TRAPPC2L: variants seen among roughly 807,000 people sequenced by gnomAD.
TRAPPC2L encodes trafficking protein particle complex subunit 2-like protein.
TRAPPC2L carries 17 observed loss-of-function variants against 13.2 expected under a neutral mutation model. That is an observed-to-expected ratio of 1.29 (90% CI 0.88 to 1.93). The LOEUF (loss-of-function observed/expected upper bound fraction) is 1.93. TRAPPC2L is among the 30% of genes most tolerant of loss of function. The pLI is 0.00. For synonymous variants in TRAPPC2L, 150 were observed against 98.1 expected, an observed-to-expected ratio of 1.53 and a Z score of -3.12; for missense variants, 359 against 252.1, an observed-to-expected ratio of 1.42 and a Z score of -2.87.
rs939587021 is a variant in TRAPPC2L at position 88,858,868 on chromosome 16, C to T, written c.206+77C>T. On this transcript the variant is annotated intron_variant, in intron 2 of 3. Coordinates refer to ENST00000565504, the Ensembl canonical transcript of TRAPPC2L. ...TACTTTAGGATCAGATAACTTGAAA[C>T]CTTTTAGAAGAAAAAGAGGTGAGAG... 13 of 1,473,112 alleles carry T rather than the reference C, an allele frequency of 8.8e-6. No homozygotes were observed. In the African/African-American group the frequency reaches 1.7e-4, roughly 19 times the overall value. 91.3% of individuals were successfully genotyped at this position (1,473,112 alleles called of 1,614,324 possible).
chr16:88,857,203 G>T lies in TRAPPC2L; in HGVS notation c.33+20G>T, dbSNP rs1222865153. The T allele has an allele frequency of 6.4e-7, 1 of 1,555,594 alleles. No individual in the cohort carries two copies. Among genetic ancestry groups the T allele is most frequent in the Admixed American group, 1.8e-5 (1 of 54,860 alleles). ...AAGGAGGTGCGTACGCGCGGCGTGG[G>T]GCGTCCGGGCTCGCACCATCCTCGG... On this transcript the variant is annotated intron_variant, in intron 1 of 3. Coordinates refer to ENST00000565504, the Ensembl canonical transcript of TRAPPC2L.
upstream of TRAPPC2L, chr16:88,856,871 C>A (rs544467763): frequency 1.3e-6 from 2 of 1,509,316 alleles, no homozygotes; most frequent in African/African-American, 1.5e-5. Flanking sequence ...GCGACAACCG[C>A]CGCCATGGCA....
chr16:88,858,842 G>C (rs759692894), intron 2 of TRAPPC2L, 51 bp downstream of exon 2: 3 of 1,560,718 alleles, frequency 1.9e-6, no homozygotes, highest in Non-Finnish European at 2.6e-6. Flanking sequence ...GTTGCAAGAT[G>C]TACTTTAGGA....
exon 4 of TRAPPC2L, chr16:88,861,134 G>C: frequency 1.6e-6 from 1 of 633,838 alleles, no homozygotes; most frequent in Admixed American, 2.7e-5. Flanking sequence ...TTCCTTCCGT[G>C]TCAGCCAAGG....
At chr16:88,857,247 C>T (rs753074028) in intron 1 of TRAPPC2L, 64 bp downstream of exon 1, 1 of 1,401,278 alleles carries the variant, frequency 7.1e-7, no homozygotes, top group Non-Finnish European at 9.6e-7. Flanking sequence ...TTTCTTTCTA[C>T]TTCTTCCCTG....
intron 1 of TRAPPC2L, chr16:88,857,556 C>T (rs1022904722): frequency 1.4e-5 from 4 of 281,822 alleles, no homozygotes; most frequent in Non-Finnish European, 2.0e-5. Context: ...TCCTGCCAGT[C>T]TCCCCGGAGC....
exon 4 of TRAPPC2L, chr16:88,860,800 A>T: frequency 8.4e-7 from 1 of 1,184,846 alleles, no homozygotes; most frequent in South Asian, 1.3e-5. Context: ...ACATTTCTGG[A>T]CCCTGGAGAA....
chr16:88,861,251 CAG>C, exon 4 of TRAPPC2L: 1 of 459,920 alleles, frequency 2.2e-6, no homozygotes, highest in Non-Finnish European at 4.0e-6. Context: ...GGGGCAGAGG[CAG>C]GGGTGCCTGG....
upstream of TRAPPC2L, chr16:88,856,574 C>A (rs1366077133): frequency 3.5e-6 from 2 of 577,676 alleles, no homozygotes; most frequent in East Asian, 3.4e-5. Context: ...CCTCCCCGCA[C>A]GGGGATACCC....
chr16:88,860,874 G>T, exon 4 of TRAPPC2L: 1 of 1,569,426 alleles, frequency 6.4e-7, no homozygotes, highest in East Asian at 2.3e-5. Flanking sequence ...AGGGGTGGAG[G>T]GCCTGGCTCT....
exon 4 of TRAPPC2L, chr16:88,861,268 A>G: frequency 2.4e-6 from 1 of 412,102 alleles, no homozygotes; most frequent in Non-Finnish European, 4.6e-6. Flanking sequence ...GCCTGGAGCC[A>G]AGAGTTCCTG....
chr16:88,856,517 C>A, upstream of TRAPPC2L: 1 of 697,898 alleles, frequency 1.4e-6, no homozygotes, highest in Non-Finnish European at 2.6e-6. Context: ...CGGTGACCGC[C>A]GAGACCCCAC....
exon 1 of TRAPPC2L, chr16:88,857,132 T>G (rs1900485400): frequency 6.4e-7 from 1 of 1,563,428 alleles, no homozygotes; most frequent in East Asian, 2.4e-5. Flanking sequence ...ACGCGGTGCC[T>G]GGCGCCGAGC....
At chr16:88,858,645 C>T (rs1158293534) in exon 2 of TRAPPC2L, 3 of 1,613,182 alleles carry the variant, frequency 1.9e-6, no homozygotes, top group Non-Finnish European at 1.7e-6. Flanking sequence ...TTCGCAGCAC[C>T]CCTACGGAGA....
chr16:88,861,064 A>C, exon 4 of TRAPPC2L: 1 of 1,140,054 alleles, frequency 8.8e-7, no homozygotes, highest in Non-Finnish European at 1.3e-6. Context: ...TGGGGCTTTC[A>C]GGGCAGGCAG....
exon 2 of TRAPPC2L, chr16:88,858,689 C>T (rs756241176): frequency 1.2e-6 from 2 of 1,613,622 alleles, no homozygotes. Flanking sequence ...GTGCACACAT[C>T]TCTGGACGTG....
At chr16:88,858,359 AG>A (rs975813671) in intron 1 of TRAPPC2L, among the ~76,000 whole-genome samples, 2 of 152,160 alleles carry the variant, frequency 1.3e-5, no homozygotes, top group African/African-American at 4.8e-5. Context: ...GGCTGTGCTC[AG>A]GCCCATTTTT....
chr16:88,856,846 C>T (rs1490449404), upstream of TRAPPC2L: 1 of 1,515,536 alleles, frequency 6.6e-7, no homozygotes, highest in African/African-American at 1.4e-5. Context: ...CAACAGCTGC[C>T]ACCACCTCGT....
chr16:88,859,236 C>T (rs1968204143), intron 2 of TRAPPC2L: 1 of 529,826 alleles, frequency 1.9e-6, no homozygotes, highest in East Asian at 4.8e-5. Flanking sequence ...TCCCAAAAGT[C>T]ATCATGTAGC....
Sources: gnomAD v4.1 joint callset for allele counts (sites outside exome capture counted in the v4.1 genomes callset) on GRCh38, gnomAD v4.1.1 for gene constraint, MANE v1.5 for transcripts, NCBI Gene and HGNC (gene_info 2026-07-23, HGNC 2026-07-21) for gene names.